The following BCAR3 variants were observed in gnomAD, a reference collection of about 807,000 sequenced individuals.
The protein encoded by BCAR3 is breast cancer anti-estrogen resistance protein 3.
In BCAR3, 37 loss-of-function variants were observed where a neutral mutation model predicts 80.1. The observed-to-expected ratio is 0.46, with a 90% CI of 0.36 to 0.61. The LOEUF is 0.61. Ranked by LOEUF, BCAR3 falls within the 20% of genes least tolerant of loss-of-function variation. BCAR3 has a pLI of 0.00. For synonymous variants in BCAR3, 389 were observed against 418.9 expected, an observed-to-expected ratio of 0.93 and a Z score of 0.87; for missense variants, 978 against 1,068.2, an observed-to-expected ratio of 0.92 and a Z score of 1.18.
chr1:93,653,513 A>T (rs770153326), intron 2 of BCAR3, among the ~76,000 whole-genome samples: 8 of 152,212 alleles, frequency 5.3e-5, no homozygotes, highest in Non-Finnish European at 1.2e-4. Context: ...ACGCCCAGTC[A>T]TCTCCCATAG....
At chr1:93,828,588 G>C (rs1238421951) in intron 2 of BCAR3, among the ~76,000 whole-genome samples, 1 of 152,134 alleles carries the variant, frequency 6.6e-6, no homozygotes, top group Admixed American at 6.5e-5. Flanking sequence ...CCTCCTTTTT[G>C]TGCAATCACA....
chr1:93,689,756 G>A (rs1278168373), intron 3 of BCAR3, among the ~76,000 whole-genome samples: 4 of 152,206 alleles, frequency 2.6e-5, no homozygotes, highest in Non-Finnish European at 5.9e-5. Context: ...GGGGTTGGGG[G>A]TGGGTGGTGA....
rs559201495 is a variant in BCAR3, at chr1:93,724,607, C to T, written c.-62-18465G>A. Among the ~76,000 whole-genome samples the T allele has an allele frequency of 8.5e-5, 13 of 152,312 alleles. 1 individual carries two copies. In the South Asian group the frequency reaches 2.7e-3, roughly 32 times the overall value. ...CTACAGGGATGACCGGCTGTCCAGT[C>T]TGAGCTACCTGGCTCCCCTCCTGCC... On this transcript the variant is annotated intron_variant, in intron 2 of 13. Transcript: ENST00000370244.
chr1:93,626,526 T>G (rs1218992230), intron 3 of BCAR3, among the ~76,000 whole-genome samples: 2 of 152,142 alleles, frequency 1.3e-5, no homozygotes, highest in Non-Finnish European at 2.9e-5. Flanking sequence ...ACAGAGACAT[T>G]TTTTGCCTGT....
At chr1:93,730,467 C>G (rs1176866206) in intron 2 of BCAR3, among the ~76,000 whole-genome samples, 1 of 152,214 alleles carries the variant, frequency 6.6e-6, no homozygotes, top group African/African-American at 2.4e-5. Flanking sequence ...CAGCACCCAG[C>G]AGAGTGCTGT....
At chr1:93,765,344 A>G (rs1215362451) in intron 2 of BCAR3, among the ~76,000 whole-genome samples, 2 of 152,182 alleles carry the variant, frequency 1.3e-5, no homozygotes, top group African/African-American at 2.4e-5. Flanking sequence ...TCAAATGTTA[A>G]TATTAATACT....
chr1:93,829,108 A>G (rs1654471603), intron 2 of BCAR3, among the ~76,000 whole-genome samples: 1 of 152,180 alleles, frequency 6.6e-6, no homozygotes. Context: ...GTCACCCAAA[A>G]GAGGGTCTCC....
chr1:93,776,241 T>C (rs1652541784), intron 2 of BCAR3, among the ~76,000 whole-genome samples: 1 of 152,138 alleles, frequency 6.6e-6, no homozygotes, highest in Admixed American at 6.5e-5. Context: ...TTTTATAGGA[T>C]AGAAAATGTC....
chr1:93,594,317 T>G (rs966975583), intron 3 of BCAR3: 1 of 152,300 alleles, frequency 6.6e-6, no homozygotes, highest in African/African-American at 2.4e-5. Context: ...CTGTTTTCGC[T>G]GGGCATGCTG....
intron 2 of BCAR3, among the ~76,000 whole-genome samples, chr1:93,664,495 A>C (rs531730770): frequency 1.3e-5 from 2 of 152,342 alleles, no homozygotes; most frequent in East Asian, 3.9e-4. Context: ...GTTCATGAAA[A>C]GAATGGCAAT....
intron 3 of BCAR3, among the ~76,000 whole-genome samples, chr1:93,687,599 A>G (rs1046294735): frequency 2.6e-5 from 4 of 152,144 alleles, no homozygotes; most frequent in Non-Finnish European, 5.9e-5. Flanking sequence ...GAGCCATCAC[A>G]CCCAGCCACA....
chr1:93,810,703 T>G (rs1489949178), intron 2 of BCAR3, among the ~76,000 whole-genome samples: 1 of 152,156 alleles, frequency 6.6e-6, no homozygotes, highest in Non-Finnish European at 1.5e-5. Flanking sequence ...AGGGAGTTAA[T>G]CAGTACTGTG....
In BCAR3 at chr1:93,582,706, G is replaced by A. The variant is rs781756936; in HGVS notation, c.1281C>T (p.Ala427=). The change falls in exon 7 of 12, where the codon GCC becomes GCT. Residue 427 remains alanine, a synonymous_variant. Transcript: ENST00000260502. ...ACGCTGGGTTCAGTTCACAGTAGTTGGCCTCTGAGTTGAGCCAGGCAGAGG... is the reference window on the plus strand; with the variant it reads ...ACGCTGGGTTCAGTTCACAGTAGTTAGCCTCTGAGTTGAGCCAGGCAGAGG... ...SSPSAWLNSE[A]NYCELNPAFA... is the part of the protein sequence containing the mutation. 6.2e-7 allele frequency: 1 copy of A among 1,614,094 alleles called. No individual in the cohort carries two copies. Among genetic ancestry groups the A allele is most frequent in the South Asian group, 1.1e-5 (1 of 91,074 alleles).
intron 2 of BCAR3, among the ~76,000 whole-genome samples, chr1:93,721,358 T>A (rs1205936182): frequency 6.6e-6 from 1 of 151,806 alleles, no homozygotes; most frequent in African/African-American, 2.4e-5. Flanking sequence ...GCCCAGAGAG[T>A]TCACCTCTAC....
chr1:93,806,021 T>G (rs1469263645), intron 2 of BCAR3, among the ~76,000 whole-genome samples: 1 of 151,904 alleles, frequency 6.6e-6, no homozygotes, highest in Non-Finnish European at 1.5e-5. Flanking sequence ...AAGTATAGAT[T>G]TGAAAAGAAA....
intron 2 of BCAR3, among the ~76,000 whole-genome samples, chr1:93,661,489 G>GC (rs1202096609): frequency 1.3e-5 from 2 of 148,994 alleles, no homozygotes; most frequent in Non-Finnish European, 3.0e-5. Context: ...GCCCAGTGTA[G>GC]CTTTTTTTTT....
At chr1:93,682,758 G>A (rs1042823128), upstream of BCAR3, among the ~76,000 whole-genome samples, 1 of 152,098 alleles carries the variant, frequency 6.6e-6, no homozygotes, top group African/African-American at 2.4e-5. Context: ...TCACCATTTT[G>A]GTCAGGCTGG....
intron 2 of BCAR3, among the ~76,000 whole-genome samples, chr1:93,756,913 G>A (rs1488682294): frequency 6.6e-6 from 1 of 152,146 alleles, no homozygotes; most frequent in Non-Finnish European, 1.5e-5. Flanking sequence ...GGGGTGCCTG[G>A]CCTTACAAAA....
intron 2 of BCAR3, among the ~76,000 whole-genome samples, chr1:93,821,321 C>T: frequency 6.6e-6 from 1 of 152,136 alleles, no homozygotes; most frequent in East Asian, 1.9e-4. Flanking sequence ...TCTGACCTCA[C>T]CAAGGAGATG....
Sources: allele counts gnomAD v4.1 joint callset (sites outside exome capture counted in the v4.1 genomes callset), GRCh38; gene constraint gnomAD v4.1.1; transcripts MANE v1.5; gene names NCBI Gene and HGNC (gene_info 2026-07-23, HGNC 2026-07-21).